The following ARHGAP24 variants were observed in gnomAD, a reference collection of about 807,000 sequenced individuals.
ARHGAP24 encodes Rho GTPase activating protein 24.
ARHGAP24 carries 50 observed loss-of-function variants against 76.4 expected under a neutral mutation model. The ratio of observed to expected loss-of-function variants is 0.65; its 90% confidence interval spans 0.52 to 0.83. ARHGAP24 has a LOEUF of 0.83. ARHGAP24 is among the 40% of genes least tolerant of loss of function. ARHGAP24 has a pLI of 0.00. For synonymous variants in ARHGAP24, 345 were observed against 323.3 expected (o/e 1.07, Z -0.72); for missense variants, 930 against 914.2 (o/e 1.02, Z -0.22).
At position 85,570,594 on chromosome 4, in the gene ARHGAP24, A is replaced by G. The variant is rs1727100316; in HGVS notation, c.53A>G (p.Gln18Arg). The G allele has an allele frequency of 1.2e-6, 2 of 1,614,182 alleles. No homozygotes were observed. The highest frequency in any genetic ancestry group is 1.7e-6 in the Non-Finnish European group (2 of 1,180,036). The stretch of plus-strand genomic sequence containing the variant: ...AACCCCCAACAAGGCCAAGGGCGGC[A>G]GAATGCCATCAAGTGTGGGTGGCTG... Reference protein sequence around the residue: ...TENPQQGQGRQNAIKCGWLRK... With the variant: ...TENPQQGQGRRNAIKCGWLRK... The change falls in exon 2 of 10, where the codon CAG becomes CGG. Residue 18 changes from glutamine (Q) to arginine (R), a missense_variant. Coordinates refer to ENST00000395184, the MANE Select transcript of ARHGAP24 (RefSeq NM_001025616.3).
At position 85,541,142 on chromosome 4, in the gene ARHGAP24, C is replaced by CTTTTTTTTTTTT. The variant is rs70948733; in HGVS notation, c.-20-29362_-20-29351dup. ...TGTGTCTTCTGCTAGCATCCATGAC[C>CTTTTTTTTTTTT]TTTTTTTTTTTTTTTTTTTTTTTTT... On this transcript the variant is annotated intron_variant, in intron 1 of 9. Transcript: ENST00000395184. Among the ~76,000 whole-genome samples the CTTTTTTTTTTTT allele has an allele frequency of 3.3e-3, 162 of 49,772 alleles. 20 individuals carry two copies. The highest frequency in any genetic ancestry group is 6.4e-3 in the East Asian group (9 of 1,398). 32.7% of individuals were successfully genotyped at this position (49,772 alleles called of 152,430 possible). A position where few individuals can be genotyped will look rare whatever the true frequency, so the allele number is the denominator to read the frequency against.
At chr4:85,635,720 A>G (rs1416549132) in intron 2 of ARHGAP24, among the ~76,000 whole-genome samples, 1 of 151,834 alleles carries the variant, frequency 6.6e-6, no homozygotes, top group African/African-American at 2.4e-5. Context: ...TTTCTATTTT[A>G]TTTTAAAAAA....
chr4:85,608,581 CAG>C (rs1720282471), intron 2 of ARHGAP24, among the ~76,000 whole-genome samples: 1 of 99,090 alleles, frequency 1.0e-5, no homozygotes, highest in South Asian at 3.5e-4. Context: ...TTTTTTGAGA[CAG>C]AGACTTGCTC....
At chr4:86,000,127 G>A (rs1331730850) in intron 9 of ARHGAP24, 1 of 157,468 alleles carries the variant, frequency 6.4e-6, no homozygotes, top group South Asian at 1.3e-4. Context: ...GCTGCATTTA[G>A]TGTAGTGAAC....
At chr4:85,945,318 T>A (rs1180743465) in intron 5 of ARHGAP24, among the ~76,000 whole-genome samples, 6 of 152,076 alleles carry the variant, frequency 3.9e-5, no homozygotes, top group Non-Finnish European at 8.8e-5. Flanking sequence ...ATTTTTTGTA[T>A]ATTTTGTTGA....
At chr4:85,963,236 G>GT (rs1314565378) in intron 5 of ARHGAP24, among the ~76,000 whole-genome samples, 1 of 151,952 alleles carries the variant, frequency 6.6e-6, no homozygotes, top group Non-Finnish European at 1.5e-5. Context: ...AAGTTAATGG[G>GT]TTTTTTTGTA....
chr4:85,487,655 A>G (rs1326756429), intron 1 of ARHGAP24, among the ~76,000 whole-genome samples: 1 of 106,236 alleles, frequency 9.4e-6, no homozygotes, highest in African/African-American at 4.1e-5. Flanking sequence ...TATATTTATT[A>G]CATATTATAT....
chr4:85,706,837 T>C (rs1300376000), intron 2 of ARHGAP24, among the ~76,000 whole-genome samples: 1 of 152,222 alleles, frequency 6.6e-6, no homozygotes, highest in Admixed American at 6.5e-5. Context: ...GTGCTGGGAT[T>C]ATAGGCGTGA....
At chr4:85,843,307 G>T (rs570217290) in intron 3 of ARHGAP24, among the ~76,000 whole-genome samples, 1 of 152,188 alleles carries the variant, frequency 6.6e-6, no homozygotes, top group African/African-American at 2.4e-5. Context: ...GAGTCGGGAG[G>T]TCTGCATTCT....
chr4:85,792,184 A>G (rs1269505554), intron 3 of ARHGAP24, among the ~76,000 whole-genome samples: 1 of 152,154 alleles, frequency 6.6e-6, no homozygotes, highest in Non-Finnish European at 1.5e-5. Context: ...AATCAATAAT[A>G]CAAATATGGG....
intron 3 of ARHGAP24, 77 bp downstream of exon 3, chr4:85,722,049 A>G (rs1202663908): frequency 7.5e-7 from 1 of 1,341,294 alleles, no homozygotes; most frequent in Admixed American, 1.8e-5. Context: ...GACAGGTTTC[A>G]TTCTTTTTTG....
At chr4:85,588,693 C>T (rs1727963301) in intron 2 of ARHGAP24, among the ~76,000 whole-genome samples, 1 of 152,156 alleles carries the variant, frequency 6.6e-6, no homozygotes. Context: ...ATATTATTGA[C>T]TTCTACTTTT....
At chr4:85,660,770 T>C (rs1560573656) in intron 2 of ARHGAP24, among the ~76,000 whole-genome samples, 1 of 114,184 alleles carries the variant, frequency 8.8e-6, no homozygotes, top group East Asian at 2.5e-4. Flanking sequence ...CACTCTAGCC[T>C]GGTGACAGAG....
At chr4:85,943,055 G>T (rs1359410702) in intron 5 of ARHGAP24, among the ~76,000 whole-genome samples, 1 of 151,682 alleles carries the variant, frequency 6.6e-6, no homozygotes, top group Non-Finnish European at 1.5e-5. Context: ...TCACTCTACA[G>T]GTATATTATT....
At position 85,570,563 on chromosome 4, in the gene ARHGAP24, A is replaced by C; in HGVS notation, c.22A>C (p.Thr8Pro). ...GATAATGGAGGAGAACAATGACTCC[A>C]CGGAGAACCCCCAACAAGGCCAAGG... MEENNDS[T>P]ENPQQGQGRQ... The change falls in exon 2 of 10, where the codon ACG (threonine) becomes CCG (proline). Residue 8 changes from threonine (T) to proline (P), a missense_variant. Thr to Pro is a conservative substitution (Grantham distance 38, BLOSUM62 -1). Coordinates refer to ENST00000395184, the MANE Select transcript of ARHGAP24 (RefSeq NM_001025616.3). 1 of 1,613,970 alleles carries C rather than the reference A, an allele frequency of 6.2e-7. No homozygotes were observed.
intron 3 of ARHGAP24, among the ~76,000 whole-genome samples, chr4:85,776,197 T>G (rs2110081317): frequency 6.6e-6 from 1 of 152,242 alleles, no homozygotes; most frequent in South Asian, 2.1e-4. Context: ...AGTGTTACTA[T>G]AAACCTGAAA....
At chr4:85,489,285 G>A (rs909085408) in intron 1 of ARHGAP24, among the ~76,000 whole-genome samples, 5 of 152,250 alleles carry the variant, frequency 3.3e-5, no homozygotes, top group Non-Finnish European at 5.9e-5. Flanking sequence ...GAGAATGGAT[G>A]AGGAGAGAAA....
At chr4:85,983,769 G>A (rs1296109344) in intron 8 of ARHGAP24, among the ~76,000 whole-genome samples, 2 of 152,048 alleles carry the variant, frequency 1.3e-5, no homozygotes, top group Admixed American at 6.6e-5. Flanking sequence ...CACCCAAGCA[G>A]GGTCTCTTGT....
chr4:85,538,431 A>G (rs1725556819), intron 1 of ARHGAP24, among the ~76,000 whole-genome samples: 1 of 152,282 alleles, frequency 6.6e-6, no homozygotes, highest in Admixed American at 6.5e-5. Flanking sequence ...TATAATGGCA[A>G]TTTGGTGGGG....
Sources: allele counts gnomAD v4.1 joint callset (sites outside exome capture counted in the v4.1 genomes callset), GRCh38; gene constraint gnomAD v4.1.1; transcripts MANE v1.5; gene names NCBI Gene and HGNC (gene_info 2026-07-23, HGNC 2026-07-21).